Variants in CASK observed in about 807,000 individuals in gnomAD.
CASK encodes calcium/calmodulin dependent serine protein kinase.
CASK carries 4 observed loss-of-function variants against 82.9 expected under a neutral mutation model. The observed-to-expected ratio is 0.05, with a 90% CI of 0.02 to 0.11. CASK has a LOEUF of 0.11. CASK is among the 10% of genes least tolerant of loss of function. The pLI, the probability that CASK is intolerant of heterozygous loss-of-function variation, is 1.00. For missense variants in CASK, 358 were observed against 720.9 expected (o/e 0.50, Z 5.76); for synonymous variants, 259 against 253.5 (o/e 1.02, Z -0.20).
chrX:41,588,554 G>A (rs2065692680), intron 13 of CASK: 1 of 111,450 alleles, frequency 9.0e-6, no homozygotes, highest in Non-Finnish European at 1.9e-5. Context: ...AGGCCGGGCA[G>A]CCTCCACTGC....
At chrX:41,605,926 G>A (rs754961690) in intron 12 of CASK, among the ~76,000 whole-genome samples, 3 of 111,264 alleles carry the variant, frequency 2.7e-5, no homozygotes, top group South Asian at 3.8e-4. Context: ...TGATCCTCCC[G>A]CCTCGGCCTC....
chrX:41,760,601 G>T (rs2068982568), intron 3 of CASK, among the ~76,000 whole-genome samples: 1 of 110,684 alleles, frequency 9.0e-6, no homozygotes, highest in Non-Finnish European at 1.9e-5. Context: ...CATGGGGTTA[G>T]GTAGAACTAA....
At chrX:41,521,151 C>T (rs2064631868) in intron 26 of CASK, among the ~76,000 whole-genome samples, 1 of 112,623 alleles carries the variant, frequency 8.9e-6, no homozygotes, top group African/African-American at 3.2e-5. Flanking sequence ...GTATTTTTTC[C>T]TCTTCTACTT....
At chrX:41,619,914 AT>A (rs1253886808) in intron 11 of CASK, among the ~76,000 whole-genome samples, 1 of 112,170 alleles carries the variant, frequency 8.9e-6, no homozygotes, top group Non-Finnish European at 1.9e-5. Context: ...CAGTTCACGT[AT>A]TTTTCATTCA....
At chrX:41,584,963 A>C (rs1307764757) in intron 14 of CASK, 3 of 112,777 alleles carry the variant, frequency 2.7e-5, no homozygotes, top group African/African-American at 9.7e-5. Context: ...AATCACAATG[A>C]CTAAATGAGA....
At chrX:41,784,050 G>C (rs2069534366) in intron 3 of CASK, among the ~76,000 whole-genome samples, 1 of 112,018 alleles carries the variant, frequency 8.9e-6, no homozygotes, top group South Asian at 3.7e-4. Context: ...ACATGAACTA[G>C]GATATTTTTA....
At chrX:41,735,697 C>T (rs767229619) in intron 5 of CASK, among the ~76,000 whole-genome samples, 2 of 110,451 alleles carry the variant, frequency 1.8e-5, no homozygotes, top group East Asian at 2.8e-4. Flanking sequence ...TGCTGTTCCT[C>T]GAGCAGGCTA....
chrX:41,828,825 A>G (rs1412966017), intron 2 of CASK, among the ~76,000 whole-genome samples: 1 of 112,275 alleles, frequency 8.9e-6, no homozygotes, highest in African/African-American at 3.2e-5. Context: ...TAAAGTAACC[A>G]ATAAGGATAA....
chrX:41,739,805 C>G (rs747007123), intron 4 of CASK, among the ~76,000 whole-genome samples: 1 of 112,517 alleles, frequency 8.9e-6, no homozygotes, highest in African/African-American at 3.2e-5. Context: ...AACTGGACTG[C>G]GTTATGTAAA....
rs143199764 is a variant in CASK, at chrX:41,866,322, C to G, written c.60-13095G>C. On this transcript the variant is annotated intron_variant, in intron 1 of 26. Transcript: ENST00000378163. ...GGCTTTCCCTTTCCTGGTCTTCTAG[C>G]CAGAGAAAGCAGGCTTTTTGTTCTG... 7.7e-3 allele frequency among the ~76,000 whole-genome samples: 870 copies of G among 112,361 alleles called. 8 individuals carry two copies. The highest frequency in any genetic ancestry group is 0.027 in the African/African-American group (840 of 30,916).
intron 1 of CASK, among the ~76,000 whole-genome samples, chrX:41,867,719 T>G (rs1170232205): frequency 1.8e-5 from 2 of 112,230 alleles, no homozygotes; most frequent in African/African-American, 6.5e-5. Context: ...TTTTACAAAA[T>G]AGTATTTTGT....
chrX:41,625,182 A>ATTTT (rs1300997872), intron 10 of CASK, among the ~76,000 whole-genome samples: 7 of 94,918 alleles, frequency 7.4e-5, no homozygotes, highest in Non-Finnish European at 1.3e-4. Flanking sequence ...TTATCTCTTA[A>ATTTT]TTTTTTTTTT....
chrX:41,646,688 C>T (rs751834455), intron 8 of CASK, among the ~76,000 whole-genome samples: 2 of 111,967 alleles, frequency 1.8e-5, no homozygotes, highest in South Asian at 7.5e-4. Context: ...GCTTTACTTA[C>T]CTCCAACCTG....
chrX:41,773,847 G>A (rs753071016), intron 3 of CASK, among the ~76,000 whole-genome samples: 4 of 111,605 alleles, frequency 3.6e-5, no homozygotes, highest in Non-Finnish European at 3.8e-5. Flanking sequence ...TTGCATTCAT[G>A]GAACTTGCTC....
chrX:41,677,488 T>G (rs1030987424), intron 5 of CASK, among the ~76,000 whole-genome samples: 1 of 111,986 alleles, frequency 8.9e-6, no homozygotes, highest in East Asian at 2.8e-4. Flanking sequence ...TAGTCATCAA[T>G]GTTACAAAGG....
At chrX:41,668,739 ATTTC>A (rs948712760) in intron 6 of CASK, among the ~76,000 whole-genome samples, 5 of 110,616 alleles carry the variant, frequency 4.5e-5, no homozygotes, top group Non-Finnish European at 7.6e-5. Context: ...GATTGACGGA[ATTTC>A]TTTCTTTTTT....
At position 41,923,003 on chromosome X, in the gene CASK, A is replaced by G; in HGVS notation, c.-15T>C. 8.3e-7 allele frequency: 1 copy of G among 1,205,640 alleles called. No individual in the cohort carries two copies. The highest frequency in any genetic ancestry group is 1.1e-6 in the Non-Finnish European group (1 of 890,445). ...TCGTCGGCCATGGTCCGGAGGGGAT[A>G]GCGGCCGCAGCGTGGAGGGCTTCGA... is the stretch of plus-strand genomic sequence containing the variant. On this transcript the variant is annotated 5_prime_UTR_variant, in exon 1 of 27. Transcript: ENST00000378163.
At chrX:41,550,792 T>A (rs2065086339) in intron 21 of CASK, among the ~76,000 whole-genome samples, 1 of 109,525 alleles carries the variant, frequency 9.1e-6, no homozygotes, top group Admixed American at 9.8e-5. Context: ...ACGCCTGTTG[T>A]CCCAGCTACT....
intron 1 of CASK, among the ~76,000 whole-genome samples, chrX:41,910,349 T>C (rs1371705032): frequency 8.9e-6 from 1 of 112,008 alleles, no homozygotes. Flanking sequence ...GCCATTACTA[T>C]CCTTCTTTTA....
Sources: allele counts gnomAD v4.1 joint callset (sites outside exome capture counted in the v4.1 genomes callset), GRCh38; gene constraint gnomAD v4.1.1; transcripts MANE v1.5; gene names NCBI Gene and HGNC (gene_info 2026-07-23, HGNC 2026-07-21).